Variants in PAN3 observed in about 807,000 individuals in gnomAD.
PAN3 encodes the protein PAN2-PAN3 deadenylation complex subunit PAN3.
PAN3 carries 19 observed loss-of-function variants against 96.2 expected under a neutral mutation model. The observed-to-expected ratio is 0.20, with a 90% CI of 0.14 to 0.29. PAN3 has a LOEUF of 0.29. Among genes scored for constraint, PAN3 ranks in the 10% least tolerant of loss-of-function variants. PAN3 has a pLI of 1.00. For missense variants in PAN3, 882 were observed against 1,108.1 expected, an observed-to-expected ratio of 0.80 and a Z score of 2.90; for synonymous variants, 433 against 406.6, an observed-to-expected ratio of 1.06 and a Z score of -0.78.
chr13:28,273,558 A>C (rs1593614466), intron 14 of PAN3, among the ~76,000 whole-genome samples: 1 of 151,926 alleles, frequency 6.6e-6, no homozygotes, highest in African/African-American at 2.4e-5. Flanking sequence ...CTGAGATCGC[A>C]CCACTGCACT....
chr13:28,252,701 T>TTAG (rs1260986639), intron 6 of PAN3, among the ~76,000 whole-genome samples: 2 of 152,162 alleles, frequency 1.3e-5, no homozygotes, highest in Non-Finnish European at 2.9e-5. Flanking sequence ...CATGTTCACT[T>TTAG]TAGAAGTTAC....
At chr13:28,179,490 G>A (rs181194408) in intron 4 of PAN3, among the ~76,000 whole-genome samples, 1 of 152,308 alleles carries the variant, frequency 6.6e-6, no homozygotes, top group African/African-American at 2.4e-5. Flanking sequence ...CAAGGCGGGA[G>A]AATTGCATGA....
intron 5 of PAN3, chr13:28,215,636 G>T: frequency 7.9e-7 from 1 of 1,258,778 alleles, no homozygotes; most frequent in South Asian, 1.3e-5. Flanking sequence ...CTGAGCTGAA[G>T]GTAAAGATTT....
In PAN3 at chr13:28,213,750, A is replaced by G. The variant is rs573653817; in HGVS notation, c.853-6481A>G. Reference sequence around the variant, plus strand: ...GGGGGATACTTCAGACTATTTGGTGAACTCTCACAACTTCGTAATAGAAAA... The same window carrying G: ...GGGGGATACTTCAGACTATTTGGTGGACTCTCACAACTTCGTAATAGAAAA... On this transcript the variant is annotated intron_variant, in intron 5 of 18. Transcript: ENST00000380958. Among the ~76,000 whole-genome samples, 6 of 152,012 alleles carry G rather than the reference A, an allele frequency of 3.9e-5. No homozygotes were observed. In the South Asian group the frequency reaches 1.2e-3, roughly 32 times the overall value.
At chr13:28,159,659 G>T (rs556553661) in intron 1 of PAN3, among the ~76,000 whole-genome samples, 1 of 152,206 alleles carries the variant, frequency 6.6e-6, no homozygotes, top group Admixed American at 6.5e-5. Context: ...TGTTGGTCAG[G>T]CTGGTCTTGA....
intron 6 of PAN3, among the ~76,000 whole-genome samples, chr13:28,245,176 G>A (rs2138522718): frequency 1.3e-5 from 2 of 152,124 alleles, no homozygotes; most frequent in Middle Eastern, 3.4e-3. Context: ...AATTTTGTTG[G>A]TATTTTTATT....
At chr13:28,208,199 A>G (rs547410466) in intron 5 of PAN3, among the ~76,000 whole-genome samples, 9 of 152,324 alleles carry the variant, frequency 5.9e-5, no homozygotes, top group South Asian at 2.1e-4. Context: ...AGTATTATAA[A>G]TTACTGTGGA....
rs572012387 is a variant in PAN3 at position 28,250,758 on chromosome 13, C to G, written c.1001-5534C>G. ...GCCTCAAGCAGTCCGCCTGCGTCAG[C>G]CTCCCAAAATGCTGGGATTACAGGT... On this transcript the variant is annotated intron_variant, in intron 6 of 18. Transcript: ENST00000380958. 8.5e-5 allele frequency among the ~76,000 whole-genome samples: 13 copies of G among 152,326 alleles called. 1 individual carries two copies. The South Asian group carries it at 2.5e-3, about 29-fold the overall frequency.
At chr13:28,167,171 C>G (rs1397344150) in intron 1 of PAN3, among the ~76,000 whole-genome samples, 1 of 144,422 alleles carries the variant, frequency 6.9e-6, no homozygotes, top group East Asian at 2.1e-4. Flanking sequence ...CTTGATCATG[C>G]TTGTGGTACT....
chr13:28,194,082 G>T (rs1877660879), intron 4 of PAN3, among the ~76,000 whole-genome samples: 1 of 151,674 alleles, frequency 6.6e-6, no homozygotes, highest in African/African-American at 2.4e-5. Context: ...ACCTGAACTA[G>T]GGAGGCGGAG....
At chr13:28,284,282 T>A (rs1403908744) in intron 17 of PAN3, among the ~76,000 whole-genome samples, 1 of 152,206 alleles carries the variant, frequency 6.6e-6, no homozygotes, top group African/African-American at 2.4e-5. Context: ...CATTCTTATG[T>A]CCTGTTCAAT....
At chr13:28,194,557 G>C (rs956051114) in intron 4 of PAN3, among the ~76,000 whole-genome samples, 6 of 144,992 alleles carry the variant, frequency 4.1e-5, no homozygotes, top group Non-Finnish European at 4.5e-5. Flanking sequence ...TGCAACCTCT[G>C]CCTCCCAGGT....
chr13:28,186,284 G>T (rs918678567), intron 4 of PAN3, among the ~76,000 whole-genome samples: 4 of 152,156 alleles, frequency 2.6e-5, no homozygotes, highest in Non-Finnish European at 5.9e-5. Context: ...ATGTGGAATT[G>T]ATTTCTTTGA....
chr13:28,282,148 A>T (rs1887525112), intron 17 of PAN3, among the ~76,000 whole-genome samples: 1 of 152,238 alleles, frequency 6.6e-6, no homozygotes, highest in Non-Finnish European at 1.5e-5. Context: ...TTTGTCACTT[A>T]GTTCCACCTC....
intron 7 of PAN3, 78 bp downstream of exon 7, chr13:28,256,617 C>CA: frequency 7.0e-7 from 1 of 1,421,914 alleles, no homozygotes; most frequent in Non-Finnish European, 9.5e-7. Flanking sequence ...TCTACCCCCT[C>CA]CTGCAGCTTT....
chr13:28,139,115 G>A, intron 1 of PAN3, 28 bp downstream of exon 1: 2 of 1,277,460 alleles, frequency 1.6e-6, no homozygotes, highest in South Asian at 2.6e-5. Flanking sequence ...GGGGCGGGCC[G>A]CGGCGGCGGA....
chr13:28,283,305 T>C (rs1288545865), intron 17 of PAN3, among the ~76,000 whole-genome samples: 1 of 152,226 alleles, frequency 6.6e-6, no homozygotes, highest in Non-Finnish European at 1.5e-5. Context: ...TGCCTCAGCC[T>C]TCCAAAGTGC....
Position 28,280,555 on chromosome 13 carries a change from ATTTTTT to A in PAN3, c.2319+33_2319+38del, listed in dbSNP as rs35542876. The A allele has an allele frequency of 7.5e-5, 86 of 1,150,566 alleles. No individual in the cohort carries two copies. The highest frequency in any genetic ancestry group is 2.2e-4 in the East Asian group (7 of 31,120). The allele number at this position is 1,150,566 out of a possible 1,614,324, so 71.3% of individuals were successfully genotyped here. A position where few individuals can be genotyped will look rare whatever the true frequency, so the allele number is the denominator to read the frequency against. ...GACCTTGCAAAGGTAAAGAGTGTAA[ATTTTTT>A]TTTTTTTTTTTTTTTTTTGAGACAG... On this transcript the variant is annotated intron_variant, in intron 16 of 18. Transcript: ENST00000380958.
chr13:28,175,149 A>G (rs775996960), intron 2 of PAN3, among the ~76,000 whole-genome samples: 16 of 152,172 alleles, frequency 1.1e-4, no homozygotes, highest in Middle Eastern at 3.2e-3. Flanking sequence ...AAGGCAATGT[A>G]TTGTCCTTTC....
Sources: allele counts gnomAD v4.1 joint callset (sites outside exome capture counted in the v4.1 genomes callset), GRCh38; gene constraint gnomAD v4.1.1; transcripts MANE v1.5; gene names NCBI Gene and HGNC (gene_info 2026-07-23, HGNC 2026-07-21).